Variants in CPB2 observed in about 807,000 individuals in gnomAD.
The protein encoded by CPB2 is carboxypeptidase B-like protein.
In CPB2, 54 loss-of-function variants were observed where a neutral mutation model predicts 57.0. The observed-to-expected ratio is 0.95, with a 90% CI of 0.76 to 1.19. The LOEUF (loss-of-function observed/expected upper bound fraction) is 1.19. Among genes scored for constraint, CPB2 ranks in the 50% most tolerant of loss-of-function variants. The probability of loss-of-function intolerance (pLI) is 0.00; values close to 1 mark genes in which losing one functional copy is unlikely to be tolerated. For synonymous variants in CPB2, 189 were observed against 178.1 expected (o/e 1.06, Z -0.49); for missense variants, 426 against 512.0 (o/e 0.83, Z 1.62).
chr13:46,102,169 C>G (rs1456940743), intron 1 of CPB2, among the ~76,000 whole-genome samples: 1 of 152,172 alleles, frequency 6.6e-6, no homozygotes, highest in Non-Finnish European at 1.5e-5. Context: ...TTCAGAAGCC[C>G]TTTATCCTCA....
chr13:46,083,986 G>C (rs1229661838), intron 3 of CPB2, among the ~76,000 whole-genome samples: 1 of 152,198 alleles, frequency 6.6e-6, no homozygotes, highest in Non-Finnish European at 1.5e-5. Context: ...CAATCACTGA[G>C]TCTAACCTGC....
At chr13:46,073,409 C>A in intron 6 of CPB2, 2 of 838,084 alleles carry the variant, frequency 2.4e-6, no homozygotes, top group Non-Finnish European at 1.4e-6. Flanking sequence ...GAACAAAATT[C>A]CCTATTATGA....
intron 4 of CPB2, among the ~76,000 whole-genome samples, chr13:46,079,946 G>C (rs1325653138): frequency 1.3e-5 from 2 of 152,156 alleles, no homozygotes; most frequent in Non-Finnish European, 2.9e-5. Context: ...TGTCAGAAAT[G>C]TAACTGTCAG....
intron 1 of CPB2, among the ~76,000 whole-genome samples, chr13:46,095,333 AAT>A (rs1269829967): frequency 2.0e-5 from 3 of 151,582 alleles, no homozygotes; most frequent in African/African-American, 7.3e-5. Context: ...AAAAAAAAAA[AAT>A]TCATCCTTGA....
chr13:46,102,587 TGTTA>T (rs2045449690), intron 1 of CPB2, among the ~76,000 whole-genome samples: 3 of 76,088 alleles, frequency 3.9e-5, no homozygotes, highest in African/African-American at 1.5e-4. Context: ...AAAGCCAGAC[TGTTA>T]GTTTTTTTTT....
intron 8 of CPB2, among the ~76,000 whole-genome samples, chr13:46,061,905 C>T (rs1029932520): frequency 1.3e-5 from 2 of 151,974 alleles, no homozygotes; most frequent in Non-Finnish European, 2.9e-5. Context: ...GGGGCACATT[C>T]TAGTTGTAGG....
chr13:46,069,353 C>T lies in CPB2; in HGVS notation c.592-1936G>A, dbSNP rs142513986. On this transcript the variant is annotated intron_variant, in intron 6 of 10. Transcript: ENST00000181383. Reference sequence around the variant, plus strand: ...GCTTATTGAGATATAATTTACATTCCAGAAATTCACCATTTTAAAGTGTGA... The same window carrying T: ...GCTTATTGAGATATAATTTACATTCTAGAAATTCACCATTTTAAAGTGTGA... Among the ~76,000 whole-genome samples, 1,090 of 152,294 alleles carry T rather than the reference C, an allele frequency of 7.2e-3. 13 individuals are homozygous for T. Among genetic ancestry groups the T allele is most frequent in the African/African-American group, 0.024 (998 of 41,574 alleles).
At chr13:46,074,039 T>G in intron 5 of CPB2, 62 bp from the exon 6 acceptor site, 1 of 912,082 alleles carries the variant, frequency 1.1e-6, no homozygotes, top group East Asian at 2.5e-5. Context: ...ATAATAACTT[T>G]CATTTATATA....
intron 1 of CPB2, among the ~76,000 whole-genome samples, chr13:46,090,426 G>A (rs1388874609): frequency 4.0e-5 from 6 of 148,810 alleles, no homozygotes; most frequent in South Asian, 2.1e-4. Flanking sequence ...GCAATGGAGC[G>A]ATCTTGGCTC....
At chr13:46,055,690 CAAAG>C in intron 10 of CPB2, 68 bp downstream of exon 10, 3 of 866,544 alleles carry the variant, frequency 3.5e-6, no homozygotes, top group South Asian at 3.7e-5. Context: ...ATTAAATACA[CAAAG>C]AAAAACAGAT....
chr13:46,068,427 C>T (rs1357102592), intron 6 of CPB2, among the ~76,000 whole-genome samples: 2 of 151,692 alleles, frequency 1.3e-5, no homozygotes, highest in African/African-American at 4.8e-5. Flanking sequence ...CTTATGAAAT[C>T]GGAGAGAAAG....
intron 8 of CPB2, among the ~76,000 whole-genome samples, chr13:46,058,802 A>G (rs1593881278): frequency 6.6e-6 from 1 of 152,360 alleles, no homozygotes; most frequent in East Asian, 1.9e-4. Flanking sequence ...AGAGCTCAGA[A>G]TATGTAAATC....
intron 5 of CPB2, among the ~76,000 whole-genome samples, chr13:46,075,323 C>T (rs939924856): frequency 6.6e-6 from 1 of 152,224 alleles, no homozygotes; most frequent in Non-Finnish European, 1.5e-5. Context: ...GGATTCGTTA[C>T]TTTACTTGAC....
intron 1 of CPB2, among the ~76,000 whole-genome samples, chr13:46,101,716 A>T (rs1303360583): frequency 3.6e-4 from 10 of 28,050 alleles, no homozygotes; most frequent in African/African-American, 8.0e-4. Context: ...GTCACTTTAC[A>T]AAAAAAAGTA....
At chr13:46,072,184 G>A (rs1014499512) in intron 6 of CPB2, among the ~76,000 whole-genome samples, 1 of 152,132 alleles carries the variant, frequency 6.6e-6, no homozygotes, top group South Asian at 2.1e-4. Context: ...TAGTGTAGTG[G>A]ATTTCCACTG....
chr13:46,089,574 T>A (rs576207110), intron 1 of CPB2, among the ~76,000 whole-genome samples: 6 of 152,268 alleles, frequency 3.9e-5, no homozygotes, highest in Admixed American at 1.3e-4. Flanking sequence ...AGTGAGAAAT[T>A]GCTCTGATCT....
At chr13:46,084,541 G>A (rs1247481581) in intron 2 of CPB2, among the ~76,000 whole-genome samples, 198 bp from the exon 3 acceptor site, 3 of 151,472 alleles carry the variant, frequency 2.0e-5, no homozygotes, top group Non-Finnish European at 2.9e-5. Context: ...TATAACTCTA[G>A]TTGCTAAAAA....
chr13:46,096,851 G>A (rs1193939360), intron 1 of CPB2, among the ~76,000 whole-genome samples: 1 of 152,194 alleles, frequency 6.6e-6, no homozygotes, highest in Non-Finnish European at 1.5e-5. Flanking sequence ...AGCAGAGAGG[G>A]AAATCGTCCC....
intron 8 of CPB2, among the ~76,000 whole-genome samples, chr13:46,059,833 A>G (rs574466157): frequency 1.3e-5 from 2 of 152,300 alleles, no homozygotes; most frequent in South Asian, 2.1e-4. Context: ...TATTCCTGTT[A>G]TTATACAAAC....
Sources: allele counts gnomAD v4.1 joint callset (sites outside exome capture counted in the v4.1 genomes callset), GRCh38; gene constraint gnomAD v4.1.1; transcripts MANE v1.5; gene names NCBI Gene and HGNC (gene_info 2026-07-23, HGNC 2026-07-21).